Variants in CDS1 observed in about 807,000 individuals in gnomAD.
The protein encoded by CDS1 is CDP-diacylglycerol synthase 1, also known as phosphatidate cytidylyltransferase 1.
A neutral mutation model predicts 62.1 loss-of-function variants in CDS1; 41 were observed. The observed-to-expected ratio is 0.66, with a 90% confidence interval of 0.51 to 0.86. The LOEUF is 0.86. Ranked by LOEUF, CDS1 falls within the 40% of genes least tolerant of loss-of-function variation. The pLI, the probability that CDS1 is intolerant of heterozygous loss-of-function variation, is 0.00. For synonymous variants in CDS1, 185 were observed against 192.6 expected, an observed-to-expected ratio of 0.96 and a Z score of 0.32; for missense variants, 470 against 550.1, an observed-to-expected ratio of 0.85 and a Z score of 1.46.
intron 5 of CDS1, among the ~76,000 whole-genome samples, chr4:84,628,132 T>C (rs1240114848): frequency 6.6e-6 from 1 of 152,042 alleles, no homozygotes; most frequent in Non-Finnish European, 1.5e-5. Flanking sequence ...GTTTTGATGG[T>C]TTAGGCAAGT....
chr4:84,589,327 A>T (rs1722511604), intron 1 of CDS1, among the ~76,000 whole-genome samples: 1 of 152,184 alleles, frequency 6.6e-6, no homozygotes, highest in Non-Finnish European at 1.5e-5. Context: ...TCAACACTGC[A>T]TTTAGTCTAG....
intron 9 of CDS1, among the ~76,000 whole-genome samples, chr4:84,639,691 T>C (rs1033307494): frequency 2.0e-5 from 3 of 152,160 alleles, no homozygotes; most frequent in African/African-American, 4.8e-5. Flanking sequence ...TTACATTCTG[T>C]ATCCAAATCT....
chr4:84,628,960 C>T (rs573786489), intron 5 of CDS1, among the ~76,000 whole-genome samples: 1 of 152,186 alleles, frequency 6.6e-6, no homozygotes, highest in East Asian at 1.9e-4. Flanking sequence ...ACACCAGGCA[C>T]AATACTATGT....
Position 84,583,376 on chromosome 4 carries a change from C to A in CDS1, c.-26C>A. The A allele has an allele frequency of 6.5e-7, 1 of 1,539,172 alleles. No homozygotes were observed. Among genetic ancestry groups the A allele is most frequent in the Non-Finnish European group, 8.9e-7 (1 of 1,118,496 alleles). ...TCAGGTTTCGGGGTGCTTGAGGAGGCCGCCACGGCAGCGCGGGAGCGGAAG... is the reference window on the plus strand; with the variant it reads ...TCAGGTTTCGGGGTGCTTGAGGAGGACGCCACGGCAGCGCGGGAGCGGAAG... On this transcript the variant is annotated 5_prime_UTR_variant, in exon 1 of 13. Coordinates refer to ENST00000295887, the MANE Select transcript of CDS1 (RefSeq NM_001263.4).
chr4:84,621,196 A>G (rs1311057790), intron 5 of CDS1, among the ~76,000 whole-genome samples: 1 of 152,238 alleles, frequency 6.6e-6, no homozygotes, highest in Admixed American at 6.5e-5. Context: ...AAAGAAGGAC[A>G]TGAAGTTTGT....
At chr4:84,598,860 A>G (rs551217228) in intron 1 of CDS1, among the ~76,000 whole-genome samples, 2 of 152,246 alleles carry the variant, frequency 1.3e-5, no homozygotes, top group Non-Finnish European at 2.9e-5. Flanking sequence ...TAATGATGGA[A>G]TCATCCTCTT....
intron 11 of CDS1, 77 bp from the exon 12 acceptor site, chr4:84,645,145 G>A: frequency 2.2e-6 from 2 of 920,682 alleles, no homozygotes; most frequent in Non-Finnish European, 3.6e-6. Flanking sequence ...AGTCCATGAC[G>A]CCAAAGAGAC....
intron 8 of CDS1, among the ~76,000 whole-genome samples, chr4:84,637,603 C>T (rs1425289665): frequency 6.6e-6 from 1 of 152,140 alleles, no homozygotes; most frequent in Non-Finnish European, 1.5e-5. Flanking sequence ...CTGAGGATTA[C>T]AAGTGGACGT....
At chr4:84,631,910 C>A in intron 6 of CDS1, 33 bp downstream of exon 6, 1 of 1,485,742 alleles carries the variant, frequency 6.7e-7, no homozygotes, top group Non-Finnish European at 9.4e-7. Flanking sequence ...TAGTCATTAT[C>A]TGTGATAAAA....
intron 5 of CDS1, among the ~76,000 whole-genome samples, chr4:84,626,511 C>T (rs973863905): frequency 6.6e-6 from 1 of 152,094 alleles, no homozygotes; most frequent in African/African-American, 2.4e-5. Flanking sequence ...GTCTTGAATT[C>T]CTGGACTCAA....
chr4:84,635,458 T>G (rs1724154936), intron 8 of CDS1, 107 bp downstream of exon 8: 1 of 735,002 alleles, frequency 1.4e-6, no homozygotes, highest in African/African-American at 1.8e-5. Flanking sequence ...TTTGAGGTGC[T>G]TTGATTTTCC....
chr4:84,614,170 G>A (rs971090873), intron 3 of CDS1, among the ~76,000 whole-genome samples: 2 of 152,046 alleles, frequency 1.3e-5, no homozygotes, highest in Admixed American at 6.6e-5. Flanking sequence ...TCAGCTATTC[G>A]AGAGGCTGAG....
intron 5 of CDS1, among the ~76,000 whole-genome samples, chr4:84,621,247 G>A (rs1382585750): frequency 6.6e-6 from 1 of 152,132 alleles, no homozygotes; most frequent in Admixed American, 6.5e-5. Context: ...TATTGTTTTA[G>A]CTCCTAGGAG....
intron 3 of CDS1, among the ~76,000 whole-genome samples, chr4:84,615,680 C>T (rs1013724619): frequency 6.6e-6 from 1 of 152,180 alleles, no homozygotes; most frequent in African/African-American, 2.4e-5. Flanking sequence ...GACTGTACCT[C>T]TCTGTGAACA....
At chr4:84,631,738 A>C (rs1439433084) in intron 5 of CDS1, 81 bp from the exon 6 acceptor site, 1 of 1,100,312 alleles carries the variant, frequency 9.1e-7, no homozygotes, top group Admixed American at 1.7e-5. Flanking sequence ...TGATACAGCA[A>C]ATTGGTTTAT....
chr4:84,636,351 T>G (rs1387047258), intron 8 of CDS1, among the ~76,000 whole-genome samples: 1 of 152,064 alleles, frequency 6.6e-6, no homozygotes, highest in East Asian at 1.9e-4. Flanking sequence ...TACACATGAG[T>G]AGACCATGTT....
chr4:84,624,425 T>G (rs969606472), intron 5 of CDS1, among the ~76,000 whole-genome samples: 1 of 151,994 alleles, frequency 6.6e-6, no homozygotes, highest in Admixed American at 6.6e-5. Flanking sequence ...GGCTTACTAC[T>G]GTTATTCCAG....
chr4:84,632,189 G>C (rs1724041987), intron 6 of CDS1, among the ~76,000 whole-genome samples: 1 of 152,120 alleles, frequency 6.6e-6, no homozygotes, highest in Non-Finnish European at 1.5e-5. Flanking sequence ...CTCCTGGACA[G>C]TTACTATGTC....
At chr4:84,611,325 T>TA (rs1214849995) in intron 3 of CDS1, among the ~76,000 whole-genome samples, 2 of 152,208 alleles carry the variant, frequency 1.3e-5, no homozygotes, top group African/African-American at 2.4e-5. Context: ...TTATCATTGT[T>TA]ATTACTTTTT....
Sources: allele counts gnomAD v4.1 joint callset (sites outside exome capture counted in the v4.1 genomes callset), GRCh38; gene constraint gnomAD v4.1.1; transcripts MANE v1.5; gene names NCBI Gene and HGNC (gene_info 2026-07-23, HGNC 2026-07-21).